PLEKHA5: variants seen among roughly 807,000 people sequenced by gnomAD.
The protein encoded by PLEKHA5 is pleckstrin homology domain containing A5.
In PLEKHA5, 55 loss-of-function variants were observed where a neutral mutation model predicts 181.9. The observed-to-expected ratio is 0.30, with a 90% confidence interval of 0.24 to 0.38. PLEKHA5 has a LOEUF of 0.38. Among genes scored for constraint, PLEKHA5 ranks in the 10% least tolerant of loss-of-function variants. The probability of loss-of-function intolerance (pLI) is 1.00; values close to 1 mark genes in which losing one functional copy is unlikely to be tolerated. For missense variants in PLEKHA5, 1,432 were observed against 1,549.5 expected, an observed-to-expected ratio of 0.92 and a Z score of 1.27; for synonymous variants, 535 against 529.4, an observed-to-expected ratio of 1.01 and a Z score of -0.15.
rs145214540 is a variant in PLEKHA5, at chr12:19,221,629, C to G, written c.228-32311C>G. Among the ~76,000 whole-genome samples, 689 of 152,138 alleles carry G rather than the reference C, an allele frequency of 4.5e-3. 7 individuals are homozygous for G. Among genetic ancestry groups the G allele is most frequent in the African/African-American group, 0.016 (664 of 41,526 alleles). On this transcript the variant is annotated intron_variant, in intron 3 of 31. Transcript: ENST00000429027. ...AAAACCCGACCGTATGCAAAAAATC[C>G]TTGGGGATGTCAAAGGAGATCCCAA...
chr12:19,306,367 C>T (rs143528091), intron 15 of PLEKHA5: 6 of 492,656 alleles, frequency 1.2e-5, no homozygotes, highest in African/African-American at 5.9e-5. Flanking sequence ...CTCCAACTAG[C>T]GTGCTCTCTT....
At chr12:19,129,989 C>T (rs2032922726) in intron 1 of PLEKHA5, 62 bp from the exon 2 acceptor site, 4 of 1,466,870 alleles carry the variant, frequency 2.7e-6, no homozygotes, top group African/African-American at 1.4e-5. Flanking sequence ...TCCTGCAGCC[C>T]CTCGGCTCGC....
intron 15 of PLEKHA5, among the ~76,000 whole-genome samples, chr12:19,297,323 T>TAA (rs765630231): frequency 3.5e-5 from 5 of 142,426 alleles, no homozygotes; most frequent in African/African-American, 1.3e-4. Flanking sequence ...ATAGTACAGT[T>TAA]AAAAAAAAAA....
At chr12:19,306,067 G>A (rs548828381) in intron 15 of PLEKHA5, among the ~76,000 whole-genome samples, 3 of 151,528 alleles carry the variant, frequency 2.0e-5, no homozygotes, top group Admixed American at 6.6e-5. Flanking sequence ...GCGACAATCC[G>A]ATACTCCGTC....
chr12:19,282,546 G>A (rs185087094), intron 11 of PLEKHA5, among the ~76,000 whole-genome samples: 9 of 152,228 alleles, frequency 5.9e-5, no homozygotes, highest in East Asian at 5.8e-4. Flanking sequence ...ACATATACTT[G>A]TAGTAATTTA....
At chr12:19,196,290 A>G (rs146085268) in intron 3 of PLEKHA5, among the ~76,000 whole-genome samples, 8 of 152,316 alleles carry the variant, frequency 5.3e-5, no homozygotes, top group South Asian at 2.1e-4. Context: ...CATAAAGACA[A>G]TTTAATAGTA....
chr12:19,203,044 G>C (rs1388911466), intron 3 of PLEKHA5, among the ~76,000 whole-genome samples: 1 of 152,072 alleles, frequency 6.6e-6, no homozygotes, highest in Non-Finnish European at 1.5e-5. Flanking sequence ...TAAAGAATAA[G>C]TGATATATAA....
intron 22 of PLEKHA5, among the ~76,000 whole-genome samples, chr12:19,345,450 TA>T (rs1224250176): frequency 3.3e-5 from 5 of 150,798 alleles, no homozygotes; most frequent in African/African-American, 1.2e-4. Context: ...AAAATAAATT[TA>T]AAAAAAAATA....
At chr12:19,172,610 A>C (rs2046172708) in intron 3 of PLEKHA5, among the ~76,000 whole-genome samples, 1 of 152,224 alleles carries the variant, frequency 6.6e-6, no homozygotes, top group African/African-American at 2.4e-5. Context: ...AATGGTTCAA[A>C]ACAAAACAAT....
intron 25 of PLEKHA5, among the ~76,000 whole-genome samples, chr12:19,349,755 C>T (rs1192946601): frequency 2.1e-5 from 3 of 145,498 alleles, no homozygotes; most frequent in East Asian, 3.9e-4. Context: ...AAAAAAAAAA[C>T]TCTCCCAAGA....
chr12:19,289,963 G>C lies in PLEKHA5; in HGVS notation c.1864-714G>C, dbSNP rs916789569. Among the ~76,000 whole-genome samples, 3 of 151,728 alleles carry C rather than the reference G, an allele frequency of 2.0e-5. No homozygotes were observed. The South Asian group carries it at 6.3e-4, about 32-fold the overall frequency. The stretch of plus-strand genomic sequence containing the variant: ...TTATTTTTTTATTTATTTATTTTGA[G>C]ATGGAGTCTCGCCGTGTCGCCCAGG... On this transcript the variant is annotated intron_variant, in intron 13 of 31. Transcript: ENST00000429027.
chr12:19,230,238 C>G (rs1308493192), intron 3 of PLEKHA5, among the ~76,000 whole-genome samples: 1 of 152,174 alleles, frequency 6.6e-6, no homozygotes, highest in African/African-American at 2.4e-5. Context: ...ATTTACAATC[C>G]CTTAGGTAGA....
chr12:19,348,975 A>G (rs936983777), intron 25 of PLEKHA5, among the ~76,000 whole-genome samples: 3 of 152,192 alleles, frequency 2.0e-5, no homozygotes, highest in African/African-American at 7.2e-5. Context: ...AATAAAAATA[A>G]AAGACATCAC....
chr12:19,167,405 A>ATT lies in PLEKHA5; in HGVS notation c.227+34983_227+34984dup, dbSNP rs56086557. Among the ~76,000 whole-genome samples the ATT allele has an allele frequency of 2.0e-4, 18 of 91,224 alleles. No homozygotes were observed. The South Asian group carries it at 5.5e-3, about 28-fold the overall frequency. The allele number at this position is 91,224 out of a possible 152,430, so 59.8% of individuals were successfully genotyped here. A position where few individuals can be genotyped will look rare whatever the true frequency, so the allele number is the denominator to read the frequency against. On this transcript the variant is annotated intron_variant, in intron 3 of 31. Coordinates refer to ENST00000429027, the MANE Select transcript of PLEKHA5 (RefSeq NM_001256470.2). ...CACTCTGCAAGTCTTCTGAGGCTTA[A>ATT]TTTTTTTTTTTTTTTTTTTTTTTTT...
At chr12:19,275,681 T>C (rs537611527) in intron 11 of PLEKHA5, among the ~76,000 whole-genome samples, 64 of 152,168 alleles carry the variant, frequency 4.2e-4, no homozygotes, top group African/African-American at 1.5e-3. Context: ...AGTGGGAGGA[T>C]TGCTTGAGCC....
chr12:19,251,040 A>C (rs1480206407), intron 3 of PLEKHA5, among the ~76,000 whole-genome samples: 1 of 152,182 alleles, frequency 6.6e-6, no homozygotes, highest in Non-Finnish European at 1.5e-5. Flanking sequence ...TTGTGAAAGT[A>C]ACTGAGTGTT....
At chr12:19,160,504 TTA>T (rs2042727257) in intron 3 of PLEKHA5, among the ~76,000 whole-genome samples, 1 of 152,130 alleles carries the variant, frequency 6.6e-6, no homozygotes, top group Non-Finnish European at 1.5e-5. Flanking sequence ...CCAAAAAATG[TTA>T]ATACCTGTAC....
chr12:19,361,577 TA>T lies in PLEKHA5; in HGVS notation c.3484-4del, dbSNP rs968211729. On this transcript the variant is annotated splice_region_variant and splice_polypyrimidine_tract_variant and intron_variant, in intron 28 of 31. Coordinates refer to ENST00000429027, the MANE Select transcript of PLEKHA5 (RefSeq NM_001256470.2). The stretch of plus-strand genomic sequence containing the variant: ...GAAAAGAAAATTTTTCTTTTTATTC[TA>T]CAGTTAAAAAAAACTGAAAACATTT... 1 of 1,405,752 alleles carries T rather than the reference TA, an allele frequency of 7.1e-7. No individual in the cohort carries two copies. The highest frequency in any genetic ancestry group is 1.4e-5 in the African/African-American group (1 of 69,386). The allele number at this position is 1,405,752 out of a possible 1,614,324, so 87.1% of individuals were successfully genotyped here.
intron 30 of PLEKHA5, among the ~76,000 whole-genome samples, chr12:19,366,583 G>A (rs889551073): frequency 3.3e-5 from 5 of 152,228 alleles, no homozygotes; most frequent in Middle Eastern, 3.4e-3. Flanking sequence ...AACCCCAGAG[G>A]CGGAGGTTGC....
Sources: gnomAD v4.1 joint callset for allele counts (sites outside exome capture counted in the v4.1 genomes callset) on GRCh38, gnomAD v4.1.1 for gene constraint, MANE v1.5 for transcripts, NCBI Gene and HGNC (gene_info 2026-07-23, HGNC 2026-07-21) for gene names.